Variants in MTUS2 observed in about 807,000 individuals in gnomAD.
The protein encoded by MTUS2 is microtubule-associated tumor suppressor candidate 2.
Under a neutral mutation model 114.1 loss-of-function variants are expected in MTUS2, and 40 were observed. That is an observed-to-expected ratio of 0.35 (90% CI 0.27 to 0.46). MTUS2 has a LOEUF of 0.46. MTUS2 is among the 20% of genes least tolerant of loss of function. The probability of loss-of-function intolerance (pLI) is 1.00; values close to 1 mark genes in which losing one functional copy is unlikely to be tolerated. For missense variants in MTUS2, 1,679 were observed against 1,705.4 expected, an observed-to-expected ratio of 0.98 and a Z score of 0.27; for synonymous variants, 688 against 672.0, an observed-to-expected ratio of 1.02 and a Z score of -0.37.
At chr13:29,310,202 A>G (rs771120719) in intron 6 of MTUS2, among the ~76,000 whole-genome samples, 59 of 152,286 alleles carry the variant, frequency 3.9e-4, no homozygotes, top group Non-Finnish European at 8.1e-4. Flanking sequence ...TGGAGTAGCT[A>G]CTGTTGTCAC....
intron 2 of MTUS2, among the ~76,000 whole-genome samples, chr13:28,856,594 T>G (rs952214684): frequency 6.6e-6 from 1 of 152,208 alleles, no homozygotes; most frequent in Non-Finnish European, 1.5e-5. Flanking sequence ...GCAGTGGTGC[T>G]GATGTTTGCA....
intron 2 of MTUS2, among the ~76,000 whole-genome samples, chr13:28,990,978 A>C (rs929385556): frequency 2.0e-5 from 3 of 152,220 alleles, no homozygotes; most frequent in African/African-American, 7.2e-5. Context: ...CTGCGGCTTC[A>C]TTCTTGAAGT....
intron 4 of MTUS2, among the ~76,000 whole-genome samples, chr13:29,047,141 G>A (rs1025811583): frequency 6.6e-6 from 1 of 152,194 alleles, no homozygotes; most frequent in Non-Finnish European, 1.5e-5. Flanking sequence ...AGCATCATTC[G>A]TAACAGACTG....
chr13:29,195,516 A>G (rs891654334), intron 5 of MTUS2, among the ~76,000 whole-genome samples: 1 of 144,192 alleles, frequency 6.9e-6, no homozygotes, highest in Non-Finnish European at 1.5e-5. Context: ...TGTGCATTCC[A>G]TCACAGATTA....
Position 29,446,368 on chromosome 13 carries a change from C to T in MTUS2, c.3184+6319C>T, listed in dbSNP as rs373435106. On this transcript the variant is annotated intron_variant, in intron 9 of 15. Coordinates refer to ENST00000612955, the MANE Select transcript of MTUS2 (RefSeq NM_001033602.4). The stretch of plus-strand genomic sequence containing the variant: ...CCATTTCATTTTAGGGATCAGTCTA[C>T]AGATTTGTTTCAAAGATCTTGGCTA... Among the ~76,000 whole-genome samples the T allele has an allele frequency of 4.2e-3, 638 of 152,272 alleles. 3 individuals are homozygous for T. Among genetic ancestry groups the T allele is most frequent in the Middle Eastern group, 0.01 (3 of 294 alleles).
chr13:29,236,682 C>T (rs1593203863), intron 5 of MTUS2, among the ~76,000 whole-genome samples: 1 of 152,290 alleles, frequency 6.6e-6, no homozygotes, highest in East Asian at 1.9e-4. Context: ...TGCAGAATGT[C>T]TAGTGTCCAG....
At chr13:28,889,825 G>A (rs1335643898) in intron 2 of MTUS2, among the ~76,000 whole-genome samples, 2 of 152,128 alleles carry the variant, frequency 1.3e-5, no homozygotes, top group Non-Finnish European at 2.9e-5. Context: ...CCCACTTAGT[G>A]TATGCATGTG....
At chr13:28,964,769 G>A (rs1222480671) in intron 2 of MTUS2, among the ~76,000 whole-genome samples, 3 of 75,074 alleles carry the variant, frequency 4.0e-5, no homozygotes, top group Non-Finnish European at 9.3e-5. Context: ...CTGGGTCTTG[G>A]GTTAGAAGAA....
intron 6 of MTUS2, among the ~76,000 whole-genome samples, chr13:29,297,110 A>G (rs963783391): frequency 1.3e-5 from 2 of 151,722 alleles, no homozygotes; most frequent in African/African-American, 4.8e-5. Flanking sequence ...ATTTATTTTG[A>G]GTTTATTTTT....
intron 5 of MTUS2, among the ~76,000 whole-genome samples, chr13:29,186,437 A>C (rs2139177661): frequency 6.6e-6 from 1 of 152,358 alleles, no homozygotes; most frequent in Middle Eastern, 3.4e-3. Flanking sequence ...AATTCAAAAA[A>C]CATGGGAAAA....
chr13:29,480,378 G>T lies in MTUS2; in HGVS notation c.3399+14G>T. 1 of 1,499,702 alleles carries T rather than the reference G, an allele frequency of 6.7e-7. No individual in the cohort carries two copies. The highest frequency in any genetic ancestry group is 1.3e-5 in the South Asian group (1 of 75,864). The allele number at this position is 1,499,702 out of a possible 1,614,324, so 92.9% of individuals were successfully genotyped here. On this transcript the variant is annotated intron_variant, in intron 10 of 15. Transcript: ENST00000612955. The surrounding 1 kb of genome is among the most constrained non-coding windows in gnomAD (Gnocchi z 4.4). ...CACCAGGAGCAGGTCAGTCTGCAGT[G>T]CGGCTCGAGCTCTGCTGTTGGGTGA...
intron 8 of MTUS2, among the ~76,000 whole-genome samples, chr13:29,419,437 G>A (rs919149212): frequency 1.3e-5 from 2 of 152,170 alleles, no homozygotes; most frequent in Admixed American, 1.3e-4. Flanking sequence ...ATTTCCTCTG[G>A]GGTTAGGGTG....
At chr13:29,223,311 G>A (rs1012049136) in intron 5 of MTUS2, among the ~76,000 whole-genome samples, 1 of 152,176 alleles carries the variant, frequency 6.6e-6, no homozygotes, top group African/African-American at 2.4e-5. Context: ...GCAGGTGACA[G>A]GATGACCTGC....
chr13:29,504,617 G>A lies in MTUS2; in HGVS notation c.*1411G>A, dbSNP rs1264937618. On this transcript the variant is annotated 3_prime_UTR_variant, in exon 16 of 16. Transcript: ENST00000612955. ...CTGGACTGGCATCTGTCTCTAAAAT[G>A]GTAGAATTAGGATATGAACAGTACT... 2 of 232,942 alleles carry A rather than the reference G, an allele frequency of 8.6e-6. No individual in the cohort carries two copies. The highest frequency in any genetic ancestry group is 2.2e-5 in the African/African-American group (1 of 45,332). The allele number at this position is 232,942 out of a possible 1,614,324, so 14.4% of individuals were successfully genotyped here. A position where few individuals can be genotyped will look rare whatever the true frequency, so the allele number is the denominator to read the frequency against.
chr13:29,358,529 G>A (rs888821526), intron 7 of MTUS2, among the ~76,000 whole-genome samples: 1 of 152,208 alleles, frequency 6.6e-6, no homozygotes, highest in Non-Finnish European at 1.5e-5. Flanking sequence ...GAGCAGAGGG[G>A]TTCACACAAG....
intron 2 of MTUS2, among the ~76,000 whole-genome samples, chr13:28,867,244 G>A (rs1029184111): frequency 2.0e-5 from 3 of 152,150 alleles, no homozygotes; most frequent in African/African-American, 7.2e-5. Context: ...TTACTACTAA[G>A]CAAAACTTGC....
intron 8 of MTUS2, among the ~76,000 whole-genome samples, chr13:29,408,070 G>C (rs1470235727): frequency 1.3e-5 from 2 of 151,754 alleles, no homozygotes; most frequent in African/African-American, 2.4e-5. Flanking sequence ...ACATATTCTG[G>C]ATACTAGTTT....
intron 5 of MTUS2, 40 bp downstream of exon 5, chr13:29,101,010 T>C (rs1890396003): frequency 6.7e-7 from 1 of 1,494,968 alleles, no homozygotes; most frequent in Non-Finnish European, 8.9e-7. Flanking sequence ...TTCACTGAAT[T>C]AAAACCGGCG....
At chr13:29,148,320 C>T (rs533616527) in intron 5 of MTUS2, among the ~76,000 whole-genome samples, 1 of 151,946 alleles carries the variant, frequency 6.6e-6, no homozygotes, top group African/African-American at 2.4e-5. Context: ...GGTATTAAAC[C>T]CAGCATCCAT....
Sources: allele counts gnomAD v4.1 joint callset (sites outside exome capture counted in the v4.1 genomes callset), GRCh38; gene constraint gnomAD v4.1.1; non-coding constraint Gnocchi (gnomAD v3.1); transcripts MANE v1.5; gene names NCBI Gene and HGNC (gene_info 2026-07-23, HGNC 2026-07-21).